Variants in TSHZ3 observed in about 807,000 individuals in gnomAD.
TSHZ3 encodes the protein teashirt homolog 3.
TSHZ3 carries 10 observed loss-of-function variants against 64.5 expected under a neutral mutation model. The ratio of observed to expected loss-of-function variants is 0.16; its 90% CI spans 0.10 to 0.26. The LOEUF is 0.26. Among genes scored for constraint, TSHZ3 ranks in the 10% least tolerant of loss-of-function variants. The pLI is 1.00. For missense variants in TSHZ3, 1,242 were observed against 1,421.7 expected (o/e 0.87, Z 2.03); for synonymous variants, 608 against 593.1 (o/e 1.03, Z -0.36).
At chr19:31,257,562 A>G (rs1250839177) in intron 1 of TSHZ3, among the ~76,000 whole-genome samples, 1 of 152,166 alleles carries the variant, frequency 6.6e-6, no homozygotes, top group Non-Finnish European at 1.5e-5. Flanking sequence ...AAATGACTCC[A>G]AATTATCCAC....
chr19:31,345,995 C>A (rs1373842540), intron 1 of TSHZ3, among the ~76,000 whole-genome samples: 1 of 152,160 alleles, frequency 6.6e-6, no homozygotes, highest in Admixed American at 6.5e-5. Flanking sequence ...GAAGCAAACT[C>A]CCGCCCAGGT....
At chr19:31,164,469 C>CA (rs1330880504) in intron 5 of TSHZ3, among the ~76,000 whole-genome samples, 1 of 152,198 alleles carries the variant, frequency 6.6e-6, no homozygotes, top group Non-Finnish European at 1.5e-5. Context: ...CAGCCACCTA[C>CA]AGCCTAGCAC....
At chr19:31,224,977 C>G (rs1182029249) in intron 4 of TSHZ3, among the ~76,000 whole-genome samples, 1 of 152,140 alleles carries the variant, frequency 6.6e-6, no homozygotes, top group African/African-American at 2.4e-5. Flanking sequence ...CCCCTGTTCC[C>G]CCTGAGCACC....
intron 5 of TSHZ3, among the ~76,000 whole-genome samples, chr19:31,189,415 T>A (rs1310182910): frequency 6.6e-6 from 1 of 152,006 alleles, no homozygotes; most frequent in Non-Finnish European, 1.5e-5. Flanking sequence ...CTGCATCCCC[T>A]AAAATTTAAT....
intron 1 of TSHZ3, among the ~76,000 whole-genome samples, chr19:31,339,404 AC>A (rs1917359844): frequency 6.6e-6 from 1 of 151,586 alleles, no homozygotes; most frequent in Non-Finnish European, 1.5e-5. Flanking sequence ...AGCAGGCTCT[AC>A]CCCCTTCTCC....
intron 4 of TSHZ3, among the ~76,000 whole-genome samples, chr19:31,218,969 C>G (rs563330732): frequency 6.6e-6 from 1 of 152,282 alleles, no homozygotes; most frequent in South Asian, 2.1e-4. Context: ...CAGGCTTTGC[C>G]ACACTGTGAC....
intron 4 of TSHZ3, among the ~76,000 whole-genome samples, chr19:31,215,541 A>G (rs1432521670): frequency 2.6e-5 from 4 of 152,256 alleles, no homozygotes; most frequent in Non-Finnish European, 5.9e-5. Context: ...TTAACCATAA[A>G]ATAAAATGAT....
intron 3 of TSHZ3, among the ~76,000 whole-genome samples, chr19:31,230,589 T>A (rs1003141648): frequency 6.6e-6 from 1 of 151,232 alleles, no homozygotes; most frequent in Non-Finnish European, 1.5e-5. Flanking sequence ...CTGGGGAAAG[T>A]GGTCAGACCT....
chr19:31,294,048 G>C (rs1468168486), intron 1 of TSHZ3, among the ~76,000 whole-genome samples: 3 of 152,154 alleles, frequency 2.0e-5, no homozygotes, highest in African/African-American at 7.2e-5. Context: ...AGGGCCACCA[G>C]GGTATCTCAG....
At chr19:31,287,071 C>A (rs951190754) in intron 1 of TSHZ3, among the ~76,000 whole-genome samples, 1 of 152,296 alleles carries the variant, frequency 6.6e-6, no homozygotes, top group African/African-American at 2.4e-5. Context: ...AGTTAGGAAT[C>A]TCTCCCAAAA....
chr19:31,182,862 G>A (rs1482010819), intron 5 of TSHZ3, among the ~76,000 whole-genome samples: 1 of 152,126 alleles, frequency 6.6e-6, no homozygotes, highest in African/African-American at 2.4e-5. Flanking sequence ...AATTTGACAA[G>A]GCCACAGTAC....
At chr19:31,344,411 A>T (rs1917523816) in intron 1 of TSHZ3, among the ~76,000 whole-genome samples, 2 of 152,240 alleles carry the variant, frequency 1.3e-5, no homozygotes, top group African/African-American at 4.8e-5. Context: ...TTGTTTTACG[A>T]CATGACCAAA....
intron 4 of TSHZ3, among the ~76,000 whole-genome samples, chr19:31,221,537 C>T (rs1448968404): frequency 6.6e-6 from 1 of 152,222 alleles, no homozygotes; most frequent in African/African-American, 2.4e-5. Context: ...CACAGCATCA[C>T]CACGATATCA....
chr19:31,248,658 G>T (rs1321114790), intron 1 of TSHZ3, among the ~76,000 whole-genome samples: 4 of 151,660 alleles, frequency 2.6e-5, no homozygotes, highest in Admixed American at 1.3e-4. Flanking sequence ...AGGCATAGTG[G>T]CTTGTGCCTG....
intron 1 of TSHZ3, among the ~76,000 whole-genome samples, chr19:31,265,151 C>A (rs962840438): frequency 6.6e-6 from 1 of 151,996 alleles, no homozygotes; most frequent in East Asian, 1.9e-4. Flanking sequence ...AATCCTAGCA[C>A]GTTGGGAGGC....
intron 5 of TSHZ3, among the ~76,000 whole-genome samples, chr19:31,163,217 G>A (rs997166825): frequency 3.3e-5 from 5 of 152,180 alleles, no homozygotes; most frequent in African/African-American, 7.2e-5. Context: ...ATGTTTAAAT[G>A]GGTAGATGGG....
intron 4 of TSHZ3, among the ~76,000 whole-genome samples, chr19:31,209,916 G>T (rs1975241537): frequency 6.6e-6 from 1 of 152,104 alleles, no homozygotes; most frequent in Admixed American, 6.6e-5. Context: ...TTGGGTGGGG[G>T]GTTCAAGTCT....
In TSHZ3 at chr19:31,349,214, C is replaced by A; in HGVS notation, c.6G>T (p.Pro2=). 1 of 1,539,722 alleles carries A rather than the reference C, an allele frequency of 6.5e-7. No homozygotes were observed. The highest frequency in any genetic ancestry group is 8.7e-7 in the Non-Finnish European group (1 of 1,143,768). M[P]RRKQQAPRRA... is the part of the protein sequence containing the mutation. ...GCCGGGGCGCCTGCTGCTTCCTCCT[C>A]GGCATGATGCTTCTCCGGCGACTGC... Residue 2 remains proline (P), a synonymous_variant, in exon 1 of 2, where the codon CCG becomes CCT. Coordinates refer to ENST00000240587, the MANE Select transcript of TSHZ3 (RefSeq NM_020856.4).
intron 4 of TSHZ3, among the ~76,000 whole-genome samples, chr19:31,213,391 A>AAAAAAAAAG (rs1975286728): frequency 6.9e-6 from 1 of 145,292 alleles, no homozygotes; most frequent in Non-Finnish European, 1.5e-5. Flanking sequence ...AAAAAAAAAA[A>AAAAAAAAAG]TCAGTGGTGT....
Sources: allele counts gnomAD v4.1 joint callset (sites outside exome capture counted in the v4.1 genomes callset), GRCh38; gene constraint gnomAD v4.1.1; transcripts MANE v1.5; gene names NCBI Gene and HGNC (gene_info 2026-07-23, HGNC 2026-07-21).